Variants in RPL5 observed in about 807,000 individuals in gnomAD.
RPL5 encodes ribosomal protein L5, also known as large ribosomal subunit protein uL18.
RPL5 carries 1 observed loss-of-function variant against 38.4 expected under a neutral mutation model. The observed-to-expected ratio is 0.03, with a 90% CI of 0.01 to 0.12. The LOEUF (loss-of-function observed/expected upper bound fraction) is 0.12, where lower values mean the gene tolerates loss of function less well. RPL5 is among the 10% of genes least tolerant of loss of function. The probability of loss-of-function intolerance (pLI) is 1.00; values close to 1 mark genes in which losing one functional copy is unlikely to be tolerated. For missense variants in RPL5, 243 were observed against 374.1 expected (o/e 0.65, Z 2.89); for synonymous variants, 109 against 121.2 (o/e 0.90, Z 0.66).
chr1:92,840,045 G>C (rs1030792334), intron 6 of RPL5, among the ~76,000 whole-genome samples: 4 of 150,160 alleles, frequency 2.7e-5, no homozygotes, highest in African/African-American at 9.8e-5. Flanking sequence ...GTAGAGATGA[G>C]GTCTCATTCT....
chr1:92,838,030 T>TG (rs1217882388), intron 6 of RPL5, among the ~76,000 whole-genome samples: 1 of 152,240 alleles, frequency 6.6e-6, no homozygotes, highest in African/African-American at 2.4e-5. Context: ...ATTTGATCAC[T>TG]GGGTCTGCGT....
At position 92,832,047 on chromosome 1, in the gene RPL5, C is replaced by T; in HGVS notation, c.-68C>T. On this transcript the variant is annotated 5_prime_UTR_variant, in exon 1 of 8. Transcript: ENST00000370321. ...CTGCGCAAGGGCTGTGGCCCTTTTCCCACCCCCTAGCGCCGCTGGGCCTGC... is the reference window on the plus strand; with the variant it reads ...CTGCGCAAGGGCTGTGGCCCTTTTCTCACCCCCTAGCGCCGCTGGGCCTGC... 9 of 1,608,548 alleles carry T rather than the reference C, an allele frequency of 5.6e-6. No individual in the cohort carries two copies. In the South Asian group the frequency reaches 7.8e-5, roughly 14 times the overall value.
At chr1:92,835,100 C>G (rs1241424620) in intron 4 of RPL5, 187 bp downstream of exon 4, 2 of 781,572 alleles carry the variant, frequency 2.6e-6, no homozygotes, top group Non-Finnish European at 4.2e-6. Flanking sequence ...TGCAATGACA[C>G]AAATCTGTAA....
At chr1:92,836,430 G>A (rs745715525) in intron 5 of RPL5, 38 bp downstream of exon 5, 7 of 1,576,176 alleles carry the variant, frequency 4.4e-6, no homozygotes, top group Non-Finnish European at 6.1e-6. Flanking sequence ...CCTGGACCGT[G>A]GTACTTCCCT....
chr1:92,833,330 T>C, intron 1 of RPL5, 59 bp from the exon 2 acceptor site: 1 of 1,337,694 alleles, frequency 7.5e-7, no homozygotes, highest in Non-Finnish European at 1.1e-6. Flanking sequence ...GGTTAATTTA[T>C]GTCAAAAGTA....
At chr1:92,837,391 G>A in intron 5 of RPL5, 65 bp from the exon 6 acceptor site, 1 of 1,417,758 alleles carries the variant, frequency 7.1e-7, no homozygotes, top group Non-Finnish European at 1.0e-6. Context: ...AGCTACTAAA[G>A]TAAATTCTTA....
chr1:92,835,057 C>A, intron 4 of RPL5, 144 bp downstream of exon 4: 1 of 1,140,226 alleles, frequency 8.8e-7, no homozygotes, highest in Non-Finnish European at 1.3e-6. Flanking sequence ...GTTAATGGAT[C>A]TATCTAGGTC....
At chr1:92,833,074 C>T in intron 1 of RPL5, 2 of 718,820 alleles carry the variant, frequency 2.8e-6, no homozygotes, top group Non-Finnish European at 5.1e-6. Flanking sequence ...CGTTTAAAAC[C>T]TTTTGAAAGC....
chr1:92,833,309 C>A, intron 1 of RPL5, 80 bp from the exon 2 acceptor site: 1 of 1,191,146 alleles, frequency 8.4e-7, no homozygotes, highest in Non-Finnish European at 1.2e-6. Flanking sequence ...TCAAGTGTTA[C>A]TTTGTTACAT....
rs372080902 is a variant in RPL5, at chr1:92,832,077, C to T, written c.-38C>T. 1.1e-5 allele frequency: 18 copies of T among 1,613,686 alleles called. No homozygotes were observed. In the East Asian group the frequency reaches 2.5e-4, roughly 22 times the overall value. On this transcript the variant is annotated 5_prime_UTR_variant, in exon 1 of 8. Coordinates refer to ENST00000370321, the MANE Select transcript of RPL5 (RefSeq NM_000969.5). ...CCCTAGCGCCGCTGGGCCTGCAGGT[C>T]TCTGTCGAGCAGCGGACGCCGGTCT...
intron 1 of RPL5, 163 bp downstream of exon 1, chr1:92,832,280 C>G: frequency 8.6e-7 from 1 of 1,161,034 alleles, no homozygotes. Context: ...CCTTAAATGG[C>G]TGCCGCCCGG....
intron 1 of RPL5, 29 bp from the exon 2 acceptor site, chr1:92,833,360 A>C (rs186600450): frequency 1.3e-6 from 2 of 1,558,956 alleles, no homozygotes; most frequent in Non-Finnish European, 1.8e-6. Flanking sequence ...AAGACATCAA[A>C]GTTTTAATAA....
chr1:92,835,890 G>GT (rs1687104654), intron 4 of RPL5, among the ~76,000 whole-genome samples: 2 of 152,172 alleles, frequency 1.3e-5, no homozygotes, highest in Non-Finnish European at 2.9e-5. Flanking sequence ...AGGGAACATT[G>GT]TAAGTATAAG....
intron 1 of RPL5, chr1:92,832,737 A>T (rs1017317954): frequency 2.3e-6 from 1 of 436,268 alleles, no homozygotes; most frequent in Non-Finnish European, 4.1e-6. Context: ...ATGAGTTTTT[A>T]ATTATTGGGG....
At chr1:92,838,248 A>C (rs1375794576) in intron 6 of RPL5, among the ~76,000 whole-genome samples, 1 of 152,242 alleles carries the variant, frequency 6.6e-6, no homozygotes, top group Non-Finnish European at 1.5e-5. Context: ...ACACAGTGTA[A>C]AGGCTGAATA....
Position 92,836,176 on chromosome 1 carries a change from G to C in RPL5, c.325-14G>C. The C allele has an allele frequency of 1.9e-6, 3 of 1,608,886 alleles. No homozygotes were observed. Among genetic ancestry groups the C allele is most frequent in the Non-Finnish European group, 2.5e-6 (3 of 1,176,990 alleles). ...AATAATTGAAACCAGCATTTACATT[G>C]GTTTCTTGAATAGCTTCTCAATAGG... On this transcript the variant is annotated splice_polypyrimidine_tract_variant and intron_variant, in intron 4 of 7. Transcript: ENST00000370321.
chr1:92,837,268 C>A (rs760717916), intron 5 of RPL5, 188 bp from the exon 6 acceptor site: 1 of 769,786 alleles, frequency 1.3e-6, no homozygotes, highest in Admixed American at 1.7e-5. Context: ...TCTTTTCTGT[C>A]CTGGAATTCA....
At chr1:92,839,632 A>G (rs1687272992) in intron 6 of RPL5, among the ~76,000 whole-genome samples, 2 of 152,312 alleles carry the variant, frequency 1.3e-5, no homozygotes, top group South Asian at 2.1e-4. Flanking sequence ...CAGTTAAGCT[A>G]TGTCAGTGTT....
chr1:92,839,597 T>C (rs1381822564), intron 6 of RPL5, among the ~76,000 whole-genome samples: 1 of 152,238 alleles, frequency 6.6e-6, no homozygotes, highest in East Asian at 1.9e-4. Context: ...AATTTGCTTG[T>C]TGGCCTGTGT....
Sources: gnomAD v4.1 joint callset for allele counts (sites outside exome capture counted in the v4.1 genomes callset) on GRCh38, gnomAD v4.1.1 for gene constraint, MANE v1.5 for transcripts, NCBI Gene and HGNC (gene_info 2026-07-23, HGNC 2026-07-21) for gene names.